Variants in ALG3 observed in about 807,000 individuals in gnomAD.
ALG3 encodes the protein ALG3 alpha-1,3- mannosyltransferase, also known as dol-P-Man:Man(5)GlcNAc(2)-PP-Dol alpha-1,3-mannosyltransferase.
Under a neutral mutation model 50.5 loss-of-function variants are expected in ALG3, and 39 were observed. The observed-to-expected ratio is 0.77, with a 90% CI of 0.60 to 1.01. The LOEUF (loss-of-function observed/expected upper bound fraction) is 1.01. ALG3 is among the 50% of genes least tolerant of loss of function. ALG3 has a pLI of 0.00. For missense variants in ALG3, 520 were observed against 554.8 expected, an observed-to-expected ratio of 0.94 and a Z score of 0.63; for synonymous variants, 252 against 237.2, an observed-to-expected ratio of 1.06 and a Z score of -0.58.
chr3:184,246,618 T>C (rs775826744), intron 1 of ALG3, among the ~76,000 whole-genome samples: 1 of 151,964 alleles, frequency 6.6e-6, no homozygotes, highest in Non-Finnish European at 1.5e-5. Context: ...TCCCTTCACT[T>C]GATTTCTACA....
chr3:184,249,123 CA>C, upstream of ALG3: 1 of 1,504,224 alleles, frequency 6.6e-7, no homozygotes, highest in African/African-American at 1.4e-5. Flanking sequence ...CTCCACGCTC[CA>C]TAGGAGCAGG....
chr3:184,242,705 C>A (rs764812961), intron 8 of ALG3, 29 bp from the exon 9 acceptor site: 3 of 1,565,624 alleles, frequency 1.9e-6, no homozygotes, highest in African/African-American at 2.7e-5. Flanking sequence ...TTCCACGTTT[C>A]ATCCAGTTGC....
intron 5 of ALG3, 83 bp downstream of exon 5, chr3:184,244,518 G>C: frequency 7.3e-6 from 11 of 1,504,772 alleles, no homozygotes; most frequent in Non-Finnish European, 9.9e-6. Context: ...TCTTGGCTTT[G>C]AGGGAGTCTC....
At chr3:184,249,272 G>T (rs763353496), upstream of ALG3, 2 of 1,611,226 alleles carry the variant, frequency 1.2e-6, no homozygotes, top group East Asian at 4.5e-5. Context: ...CCTGCGCTGG[G>T]AACATCTGTG....
At chr3:184,249,287 T>C, upstream of ALG3, 1 of 1,609,706 alleles carries the variant, frequency 6.2e-7, no homozygotes, top group Non-Finnish European at 8.5e-7. Context: ...TCTGTGTTCA[T>C]GCTGTCTCTC....
rs1718971373 is a variant in ALG3, at chr3:184,243,781, C to T, written c.932+10G>A. On this transcript the variant is annotated intron_variant, in intron 6 of 8. Transcript: ENST00000397676. ...CCAACTCTGCCCATGGCACTACTGC[C>T]TTTTCTCACCTGTGCCACCTGCAGA... is the stretch of plus-strand genomic sequence containing the variant. The T allele has an allele frequency of 6.2e-7, 1 of 1,610,826 alleles. No individual in the cohort carries two copies. The highest frequency in any genetic ancestry group is 1.7e-5 in the Admixed American group (1 of 59,392).
upstream of ALG3, chr3:184,249,416 A>C: frequency 3.9e-6 from 4 of 1,019,512 alleles, no homozygotes; most frequent in African/African-American, 1.6e-5. Context: ...TTCATATTGA[A>C]AATATGAGAG....
At chr3:184,243,065 T>C in intron 7 of ALG3, 108 bp from the exon 8 acceptor site, 1 of 1,465,702 alleles carries the variant, frequency 6.8e-7, no homozygotes, top group South Asian at 1.3e-5. Flanking sequence ...TGCCATTCCT[T>C]GATGCATGCC....
In ALG3 at chr3:184,245,803, ATC is replaced by A. The variant is rs778237000; in HGVS notation, c.204_205del (p.Glu68AspfsTer2). 1 of 1,612,756 alleles carries A rather than the reference ATC, an allele frequency of 6.2e-7. No homozygotes were observed. Among genetic ancestry groups the A allele is most frequent in the East Asian group, 2.2e-5 (1 of 44,880 alleles). On this transcript the variant is annotated frameshift_variant, in exon 2 of 9. Transcript: ENST00000397676. LOFTEE classifies it high-confidence loss of function. ...CTCGGCCATGTAGGCCTTCCAGTCA[ATC>A]TCTGTGTCTGGAAGAAGACAAGATG... is the stretch of plus-strand genomic sequence containing the variant.
intron 4 of ALG3, chr3:184,244,943 T>C: frequency 1.4e-6 from 1 of 735,524 alleles, no homozygotes; most frequent in Admixed American, 2.4e-5. Flanking sequence ...AATGAGCATA[T>C]ACTGAGTATT....
chr3:184,245,167 G>T (rs367970139), intron 4 of ALG3, 31 bp downstream of exon 4: 2 of 1,612,762 alleles, frequency 1.2e-6, no homozygotes, highest in Non-Finnish European at 1.7e-6. Context: ...TGCAGAAAAC[G>T]AGAGGGGACC....
chr3:184,248,006 C>T lies in ALG3; in HGVS notation c.196+739G>A, dbSNP rs1056505521. On this transcript the variant is annotated intron_variant, in intron 1 of 8. Coordinates refer to ENST00000397676, the MANE Select transcript of ALG3 (RefSeq NM_005787.6). ...GACTACAGGCGCCCGCCACCATGCC[C>T]GGCTAAATTCTTTTTTTTTTTTTTT... Among the ~76,000 whole-genome samples the T allele has an allele frequency of 2.7e-5, 4 of 150,668 alleles. No individual in the cohort carries two copies. In the East Asian group the frequency reaches 5.8e-4, roughly 22 times the overall value.
At chr3:184,248,519 C>T (rs1719306610) in intron 1 of ALG3, among the ~76,000 whole-genome samples, 1 of 152,200 alleles carries the variant, frequency 6.6e-6, no homozygotes. Flanking sequence ...GCTGTAAGTT[C>T]AGTGCAGAAG....
rs777945354 is a variant in ALG3, at chr3:184,248,909, G to C, written c.32C>G (p.Ser11Cys). 21 of 1,593,918 alleles carry C rather than the reference G, an allele frequency of 1.3e-5. 1 individual carries two copies. Among genetic ancestry groups the C allele is most frequent in the Non-Finnish European group, 1.5e-5 (18 of 1,171,028 alleles). MAAGLRKRGR[S>C]GSAAQAEGLC... ...TCCCTCTGCCTGGGCCGCGGAACCG[G>C]ACCGGCCGCGTTTCCGCAGCCCAGC... The change falls in exon 1 of 9, where the codon TCC becomes TGC. Residue 11 changes from serine to cysteine, a missense_variant. Ser to Cys is a moderately radical substitution (Grantham distance 112). This residue lies in a region of ALG3 where 290 missense variants were observed against 265.9 expected (regional missense o/e 1.09). Transcript: ENST00000397676.
intron 1 of ALG3, 88 bp downstream of exon 1, chr3:184,248,657 C>G (rs1719320848): frequency 8.1e-7 from 1 of 1,228,164 alleles, no homozygotes; most frequent in African/African-American, 1.5e-5. Context: ...GATACAGAGT[C>G]TGGTTTGGAG....
Position 184,244,333 on chromosome 3 carries a change from C to T in ALG3, c.726+268G>A, listed in dbSNP as rs1161366827. On this transcript the variant is annotated intron_variant, in intron 5 of 8. Transcript: ENST00000397676. ...CCAAGGCAGGAGGATTGCTTGAGCC[C>T]AGGAGTTTGAGACCAGCCTGGGCAA... The T allele has an allele frequency of 5.6e-6, 3 of 539,908 alleles. No homozygotes were observed. The African/African-American group carries it at 5.7e-5, about 10-fold the overall frequency. 33.4% of individuals were successfully genotyped at this position (539,908 alleles called of 1,614,324 possible).
At chr3:184,248,340 T>C (rs890268668) in intron 1 of ALG3, among the ~76,000 whole-genome samples, 1 of 152,074 alleles carries the variant, frequency 6.6e-6, no homozygotes, top group African/African-American at 2.4e-5. Flanking sequence ...ACTCAAGTGG[T>C]CACAAGATGC....
chr3:184,249,119 G>T, upstream of ALG3: 1 of 1,488,446 alleles, frequency 6.7e-7, no homozygotes, highest in Non-Finnish European at 9.2e-7. Flanking sequence ...TGCACTCCAC[G>T]CTCCATAGGA....
chr3:184,245,758 C>G lies in ALG3; in HGVS notation c.251G>C (p.Gly84Ala). 6.2e-7 allele frequency: 1 copy of G among 1,613,930 alleles called. No homozygotes were observed. The highest frequency in any genetic ancestry group is 1.1e-5 in the South Asian group (1 of 91,054). ...YMAEVEGVINGTYDYTQLQGD... is the reference protein window; with the variant it reads ...YMAEVEGVINATYDYTQLQGD... ...CTGCAGTTGGGTATAGTCATAGGTA[C>G]CATTGATGACGCCTTCTACCTCGGC... Residue 84 changes from glycine (G) to alanine (A), a missense_variant, in exon 2 of 9, where the codon GGT becomes GCT. Coordinates refer to ENST00000397676, the MANE Select transcript of ALG3 (RefSeq NM_005787.6).
Sources: gnomAD v4.1 joint callset for allele counts (sites outside exome capture counted in the v4.1 genomes callset) on GRCh38, gnomAD v4.1.1 for gene constraint, gnomAD v4.1.1 regional missense constraint, MANE v1.5 for transcripts, NCBI Gene and HGNC (gene_info 2026-07-23, HGNC 2026-07-21) for gene names.